The following EML4 variants were observed in gnomAD, a reference collection of about 807,000 sequenced individuals.
EML4 encodes the protein echinoderm microtubule-associated protein-like 4.
In EML4, 72 loss-of-function variants were observed where a neutral mutation model predicts 129.0. The ratio of observed to expected loss-of-function variants is 0.56; its 90% CI spans 0.46 to 0.68. The LOEUF (loss-of-function observed/expected upper bound fraction) is 0.68. Ranked by LOEUF, EML4 falls within the 30% of genes least tolerant of loss-of-function variation. EML4 has a pLI of 0.00. For missense variants in EML4, 1,363 were observed against 1,190.6 expected, an observed-to-expected ratio of 1.14 and a Z score of -2.13; for synonymous variants, 532 against 405.0, an observed-to-expected ratio of 1.31 and a Z score of -3.77.
intron 9 of EML4, among the ~76,000 whole-genome samples, chr2:42,285,066 T>A (rs369573387): frequency 8.8e-6 from 1 of 113,966 alleles, no homozygotes; most frequent in Admixed American, 7.9e-5. Context: ...TTATTTACTT[T>A]CTTAATTAAT....
intron 6 of EML4, among the ~76,000 whole-genome samples, chr2:42,271,554 A>G (rs1047098090): frequency 6.6e-6 from 1 of 152,178 alleles, no homozygotes; most frequent in Non-Finnish European, 1.5e-5. Flanking sequence ...TGTTCTTGAC[A>G]TCCTCTTTCC....
In EML4 at chr2:42,279,667, G is replaced by A. The variant is rs919307236; in HGVS notation, c.668-1183G>A. On this transcript the variant is annotated intron_variant, in intron 6 of 22. Transcript: ENST00000318522. Reference sequence around the variant, plus strand: ...TTTTTCATATTTGTAGTAGAGACGGGGTTTCACCGTGTTAGCCACGATGGT... The same window carrying A: ...TTTTTCATATTTGTAGTAGAGACGGAGTTTCACCGTGTTAGCCACGATGGT... Among the ~76,000 whole-genome samples the A allele has an allele frequency of 2.0e-5, 3 of 151,790 alleles. No homozygotes were observed. In the East Asian group the frequency reaches 5.8e-4, roughly 29 times the overall value.
At chr2:42,264,893 G>A (rs2104399421) in intron 6 of EML4, 162 bp downstream of exon 6, 1 of 1,549,380 alleles carries the variant, frequency 6.5e-7, no homozygotes, top group Non-Finnish European at 8.7e-7. Flanking sequence ...TTTATTGTAA[G>A]GTAATGTCAT....
At chr2:42,296,644 A>T (rs554719951) in intron 13 of EML4, among the ~76,000 whole-genome samples, 3 of 152,266 alleles carry the variant, frequency 2.0e-5, no homozygotes, top group Non-Finnish European at 2.9e-5. Flanking sequence ...GGCATTTGCT[A>T]TTAGCTGTTT....
At chr2:42,193,498 G>A (rs899242787) in intron 1 of EML4, among the ~76,000 whole-genome samples, 1 of 152,148 alleles carries the variant, frequency 6.6e-6, no homozygotes, top group African/African-American at 2.4e-5. Context: ...AGAAGTTGCT[G>A]TTGCAATTTT....
At chr2:42,208,047 T>C (rs774838510) in intron 1 of EML4, 12 of 152,246 alleles carry the variant, frequency 7.9e-5, no homozygotes, top group Non-Finnish European at 8.8e-5. Context: ...TGATAGCAGC[T>C]CACACTTTCA....
chr2:42,228,508 A>C (rs1674121128), intron 1 of EML4, among the ~76,000 whole-genome samples: 1 of 152,202 alleles, frequency 6.6e-6, no homozygotes, highest in African/African-American at 2.4e-5. Context: ...TACTTATATC[A>C]TTTGGAATAT....
chr2:42,324,543 A>G (rs559726173), intron 19 of EML4, among the ~76,000 whole-genome samples: 1 of 152,334 alleles, frequency 6.6e-6, no homozygotes, highest in South Asian at 2.1e-4. Context: ...ACCTGAGCCC[A>G]GTGGGGTCAA....
At chr2:42,297,645 G>A (rs1015458078) in intron 13 of EML4, among the ~76,000 whole-genome samples, 1 of 152,154 alleles carries the variant, frequency 6.6e-6, no homozygotes, top group Non-Finnish European at 1.5e-5. Flanking sequence ...ACCAGAGTAA[G>A]TGTCCACAGT....
intron 1 of EML4, among the ~76,000 whole-genome samples, chr2:42,241,117 A>G (rs1467016921): frequency 6.6e-6 from 1 of 151,994 alleles, no homozygotes; most frequent in East Asian, 1.9e-4. Flanking sequence ...AGATTGCACC[A>G]CTGCACTCCA....
chr2:42,270,455 G>A (rs896775715), intron 6 of EML4, among the ~76,000 whole-genome samples: 9 of 152,206 alleles, frequency 5.9e-5, no homozygotes, highest in Non-Finnish European at 8.8e-5. Flanking sequence ...CTACTTGGGA[G>A]GCTGAGGTGG....
Position 42,295,527 on chromosome 2 carries a change from C to A in EML4, c.1489+11C>A, listed in dbSNP as rs1248523696. The A allele has an allele frequency of 6.2e-7, 1 of 1,605,842 alleles. No homozygotes were observed. Among genetic ancestry groups the A allele is most frequent in the Non-Finnish European group, 8.5e-7 (1 of 1,177,470 alleles). ...GGAAAGGACCTAAAGGTACAGTATTCTTATATTAAACTCATTTCTGGTAAT... is the reference window on the plus strand; with the variant it reads ...GGAAAGGACCTAAAGGTACAGTATTATTATATTAAACTCATTTCTGGTAAT... On this transcript the variant is annotated intron_variant, in intron 13 of 22. Transcript: ENST00000318522.
rs557634573 is a variant in EML4, at chr2:42,219,197, A to G, written c.26-26308A>G. On this transcript the variant is annotated intron_variant, in intron 1 of 22. Transcript: ENST00000318522. ...AAGGAAGAGCCCCCTTCATAAGGAAATACAGTTGACCCTTGAACAACACCA... is the reference window on the plus strand; with the variant it reads ...AAGGAAGAGCCCCCTTCATAAGGAAGTACAGTTGACCCTTGAACAACACCA... Among the ~76,000 whole-genome samples, 8 of 152,338 alleles carry G rather than the reference A, an allele frequency of 5.3e-5. No individual in the cohort carries two copies. In the South Asian group the frequency reaches 1.0e-3, roughly 20 times the overall value.
chr2:42,317,295 G>A (rs1669293420), intron 18 of EML4, 132 bp from the exon 19 acceptor site: 1 of 612,216 alleles, frequency 1.6e-6, no homozygotes, highest in Non-Finnish European at 2.8e-6. Context: ...GTACTTAGTG[G>A]ATAGGATTCA....
chr2:42,203,047 G>T (rs1672330840), intron 1 of EML4, among the ~76,000 whole-genome samples: 1 of 151,934 alleles, frequency 6.6e-6, no homozygotes, highest in Non-Finnish European at 1.5e-5. Context: ...ATAAGAAGAA[G>T]AATATATTAC....
At chr2:42,326,059 A>G (rs1358058827) in intron 20 of EML4, 95 bp from the exon 21 acceptor site, 4 of 1,503,926 alleles carry the variant, frequency 2.7e-6, no homozygotes, top group Non-Finnish European at 3.6e-6. Flanking sequence ...TGGATTATAA[A>G]TACAAGTAAA....
intron 1 of EML4, among the ~76,000 whole-genome samples, chr2:42,240,420 A>G (rs181081627): frequency 8.5e-5 from 13 of 152,264 alleles, no homozygotes; most frequent in East Asian, 7.7e-4. Context: ...TGTACATTAT[A>G]TATACATATG....
At position 42,303,087 on chromosome 2, in the gene EML4, T is replaced by C. The variant is rs369912592; in HGVS notation, c.1642-17T>C. The C allele has an allele frequency of 1.1e-5, 18 of 1,613,034 alleles. No homozygotes were observed. In the African/African-American group the frequency reaches 2.3e-4, roughly 20 times the overall value. ...CATATTAGTATGTATATGGTGACTT[T>C]ACACTTTTTTTTCTAGGTTCCTGAT... On this transcript the variant is annotated splice_polypyrimidine_tract_variant and intron_variant, in intron 14 of 22. Coordinates refer to ENST00000318522, the MANE Select transcript of EML4 (RefSeq NM_019063.5).
Position 42,261,134 on chromosome 2 carries a change from A to G in EML4, c.352A>G (p.Lys118Glu). Residue 118 changes from lysine to glutamate, a missense_variant, in exon 4 of 23, where the codon AAG becomes GAG. Lys to Glu is a moderately conservative substitution (Grantham distance 56). Transcript: ENST00000318522. ...SSAAKSGTEK[K>E]KEKPQGQREK... ...TTTATTTTACAGTGGTACAGAAAAA[A>G]AGAAAGAAAAACCACAAGGACAGAG... The G allele has an allele frequency of 6.2e-7, 1 of 1,608,758 alleles. No individual in the cohort carries two copies. The highest frequency in any genetic ancestry group is 8.5e-7 in the Non-Finnish European group (1 of 1,177,970).
Sources: allele counts gnomAD v4.1 joint callset (sites outside exome capture counted in the v4.1 genomes callset), GRCh38; gene constraint gnomAD v4.1.1; transcripts MANE v1.5; gene names NCBI Gene and HGNC (gene_info 2026-07-23, HGNC 2026-07-21).